The following DPF3 variants were observed in gnomAD, a reference collection of about 807,000 sequenced individuals.
The protein encoded by DPF3 is double PHD fingers 3, also known as zinc finger protein DPF3.
DPF3 carries 18 observed loss-of-function variants against 56.8 expected under a neutral mutation model. That is an observed-to-expected ratio of 0.32 (90% CI 0.22 to 0.47). The LOEUF (loss-of-function observed/expected upper bound fraction) is 0.47, where lower values mean the gene tolerates loss of function less well. Among genes scored for constraint, DPF3 ranks in the 20% least tolerant of loss-of-function variants. The pLI is 1.00. For missense variants in DPF3, 403 were observed against 488.8 expected, an observed-to-expected ratio of 0.82 and a Z score of 1.65; for synonymous variants, 188 against 180.2, an observed-to-expected ratio of 1.04 and a Z score of -0.35.
intron 2 of DPF3, among the ~76,000 whole-genome samples, chr14:72,761,288 A>G (rs1412483854): frequency 6.6e-6 from 1 of 152,122 alleles, no homozygotes; most frequent in Non-Finnish European, 1.5e-5. Flanking sequence ...TCCTGAGCAA[A>G]CAGAATATTT....
chr14:72,798,519 A>G (rs1159833749), intron 1 of DPF3, among the ~76,000 whole-genome samples: 2 of 152,204 alleles, frequency 1.3e-5, no homozygotes, highest in African/African-American at 2.4e-5. Context: ...GAGAGCTGGT[A>G]TTTCTGGCAC....
chr14:72,853,227 A>C (rs1319490690), intron 1 of DPF3: 1 of 151,134 alleles, frequency 6.6e-6, no homozygotes, highest in East Asian at 1.9e-4. Context: ...TTTTTTTTTA[A>C]GACTAGTCAA....
intron 6 of DPF3, among the ~76,000 whole-genome samples, chr14:72,694,545 A>G (rs530233064): frequency 6.6e-6 from 1 of 152,306 alleles, no homozygotes; most frequent in African/African-American, 2.4e-5. Flanking sequence ...CAATACCCTT[A>G]TTACTTCTGA....
In DPF3 at chr14:72,825,568, C is replaced by T. The variant is rs929380561; in HGVS notation, c.33-53675G>A. Reference sequence around the variant, plus strand: ...AAATTTCACAGGATCACCTGAACACCGCAGGGCGGGTGCAGCCTACATCCC... The same window carrying T: ...AAATTTCACAGGATCACCTGAACACTGCAGGGCGGGTGCAGCCTACATCCC... On this transcript the variant is annotated intron_variant, in intron 1 of 10. Coordinates refer to ENST00000556509, the MANE Select transcript of DPF3 (RefSeq NM_001280542.3). Among the ~76,000 whole-genome samples the T allele has an allele frequency of 1.3e-5, 2 of 152,198 alleles. 1 individual carries two copies. Among genetic ancestry groups the T allele is most frequent in the Admixed American group, 1.3e-4 (2 of 15,278 alleles).
chr14:72,631,453 A>G (rs1020963350), intron 8 of DPF3, among the ~76,000 whole-genome samples: 1 of 152,174 alleles, frequency 6.6e-6, no homozygotes, highest in African/African-American at 2.4e-5. Context: ...GAACACTGGG[A>G]TGGGTACAGG....
At chr14:72,701,021 T>C (rs1888136486) in intron 6 of DPF3, among the ~76,000 whole-genome samples, 1 of 152,148 alleles carries the variant, frequency 6.6e-6, no homozygotes, top group Non-Finnish European at 1.5e-5. Context: ...ATTTTGAAAA[T>C]AAAGTACTGG....
rs567067270 is a variant in DPF3, at chr14:72,882,540, G to A, written c.32+11517C>T. On this transcript the variant is annotated intron_variant, in intron 1 of 10. Transcript: ENST00000556509. ...GGGATTGGAAGGGGAGTGTGTGCAT[G>A]GGGAAACATAAGGAATTATGCATTT... Among the ~76,000 whole-genome samples, 7 of 152,258 alleles carry A rather than the reference G, an allele frequency of 4.6e-5. No homozygotes were observed. The South Asian group carries it at 1.5e-3, about 32-fold the overall frequency.
chr14:72,724,711 G>GTTT lies in DPF3; in HGVS notation c.430-986_430-984dup, dbSNP rs3058941. Among the ~76,000 whole-genome samples the GTTT allele has an allele frequency of 4.8e-3, 686 of 142,290 alleles. 9 individuals are homozygous for GTTT. The highest frequency in any genetic ancestry group is 0.016 in the African/African-American group (631 of 38,684). 93.3% of individuals were successfully genotyped at this position (142,290 alleles called of 152,430 possible). On this transcript the variant is annotated intron_variant, in intron 4 of 10. Coordinates refer to ENST00000556509, the MANE Select transcript of DPF3 (RefSeq NM_001280542.3). ...AGGGGGCCCAGAGGGGTTTTTGTTT[G>GTTT]TTTTTTTTTTTTTCTGAGACAGGGA... is the stretch of plus-strand genomic sequence containing the variant.
chr14:72,873,929 G>A (rs570543653), intron 1 of DPF3, among the ~76,000 whole-genome samples: 1 of 151,690 alleles, frequency 6.6e-6, no homozygotes, highest in Non-Finnish European at 1.5e-5. Flanking sequence ...GTTGTGGGGT[G>A]GGGGGAAGGG....
intron 1 of DPF3, among the ~76,000 whole-genome samples, chr14:72,876,430 C>T (rs1886118745): frequency 6.6e-6 from 1 of 152,136 alleles, no homozygotes. Context: ...CTCTTTTGGA[C>T]GATGAGGAGT....
At chr14:72,640,362 T>C (rs1378245731) in intron 8 of DPF3, among the ~76,000 whole-genome samples, 1 of 152,160 alleles carries the variant, frequency 6.6e-6, no homozygotes, top group African/African-American at 2.4e-5. Context: ...AGAAGGCAGA[T>C]GTGTTGGAGA....
chr14:72,776,211 T>G (rs1891737985), intron 1 of DPF3, among the ~76,000 whole-genome samples: 1 of 152,094 alleles, frequency 6.6e-6, no homozygotes, highest in Admixed American at 6.5e-5. Flanking sequence ...TGTCTTAGGC[T>G]AGAGGAAGCT....
At chr14:72,645,243 T>C (rs1885685339) in intron 8 of DPF3, among the ~76,000 whole-genome samples, 1 of 152,274 alleles carries the variant, frequency 6.6e-6, no homozygotes, top group South Asian at 2.1e-4. Context: ...ACTCAAGTAT[T>C]GCTACGGTCA....
At chr14:72,753,683 C>A (rs755384201) in intron 2 of DPF3, among the ~76,000 whole-genome samples, 2 of 152,154 alleles carry the variant, frequency 1.3e-5, no homozygotes, top group Non-Finnish European at 2.9e-5. Flanking sequence ...CAAGAAGGAC[C>A]TTTGCAGTGT....
chr14:72,862,293 TGGAG>T (rs1885470373), intron 1 of DPF3, among the ~76,000 whole-genome samples: 1 of 152,162 alleles, frequency 6.6e-6, no homozygotes, highest in African/African-American at 2.4e-5. Context: ...CCAGACGAAG[TGGAG>T]CCCACACACA....
intron 3 of DPF3, among the ~76,000 whole-genome samples, chr14:72,751,885 G>A (rs1173541228): frequency 3.3e-5 from 5 of 152,126 alleles, no homozygotes; most frequent in Non-Finnish European, 5.9e-5. Context: ...GGCAGGGGTT[G>A]GGACAACCTT....
chr14:72,812,678 G>T (rs1043946047), intron 1 of DPF3, among the ~76,000 whole-genome samples: 6 of 152,262 alleles, frequency 3.9e-5, no homozygotes, highest in African/African-American at 1.4e-4. Flanking sequence ...AGCTAGGCCT[G>T]GGGGGAGAGG....
rs1883830038 is a variant in DPF3, at chr14:72,612,915, C to T, written c.*6382G>A. ...ACTGGAGAAGACTTCAGGAAAGATG[C>T]ACCTTGCCTGGCAGCCCCTGGCTCT... is the stretch of plus-strand genomic sequence containing the variant. On this transcript the variant is annotated 3_prime_UTR_variant, in exon 11 of 11. Transcript: ENST00000556509. Among the ~76,000 whole-genome samples, 1 of 152,072 alleles carries T rather than the reference C, an allele frequency of 6.6e-6. No homozygotes were observed. The highest frequency in any genetic ancestry group is 1.5e-5 in the Non-Finnish European group (1 of 68,018).
chr14:72,848,466 T>G (rs1221087904), intron 1 of DPF3, among the ~76,000 whole-genome samples: 1 of 152,148 alleles, frequency 6.6e-6, no homozygotes, highest in Non-Finnish European at 1.5e-5. Flanking sequence ...TACCTAGACT[T>G]ATGTAGCCAT....
Sources: gnomAD v4.1 joint callset for allele counts (sites outside exome capture counted in the v4.1 genomes callset) on GRCh38, gnomAD v4.1.1 for gene constraint, MANE v1.5 for transcripts, NCBI Gene and HGNC (gene_info 2026-07-23, HGNC 2026-07-21) for gene names.